CTTNBP2NL: variants seen among roughly 807,000 people sequenced by gnomAD.
CTTNBP2NL encodes CTTNBP2 N-terminal like.
A neutral mutation model predicts 32.5 loss-of-function variants in CTTNBP2NL; 16 were observed. The ratio of observed to expected loss-of-function variants is 0.49; its 90% CI spans 0.33 to 0.75. The LOEUF is 0.75. Among genes scored for constraint, CTTNBP2NL ranks in the 30% least tolerant of loss-of-function variants. The pLI is 0.02. For missense variants in CTTNBP2NL, 645 were observed against 756.0 expected (o/e 0.85, Z 1.72); for synonymous variants, 298 against 289.4 (o/e 1.03, Z -0.30).
chr1:112,457,317 T>C lies in CTTNBP2NL; in HGVS notation c.1825T>C (p.Leu609=), dbSNP rs1421334418. The change falls in exon 6 of 6, where the codon TTG becomes CTG. Residue 609 remains leucine, a synonymous_variant. Coordinates refer to ENST00000271277, the MANE Select transcript of CTTNBP2NL (RefSeq NM_018704.3). ...CAAAACTCATTCCCAGGCAGCCTCTTTGACCACTGCAGAAGACCTTGCCAG... is the reference window on the plus strand; with the variant it reads ...CAAAACTCATTCCCAGGCAGCCTCTCTGACCACTGCAGAAGACCTTGCCAG... The part of the protein sequence containing the change: ...LTKTHSQAAS[L]TTAEDLASSC... 1 of 1,614,070 alleles carries C rather than the reference T, an allele frequency of 6.2e-7. No individual in the cohort carries two copies. The highest frequency in any genetic ancestry group is 8.5e-7 in the Non-Finnish European group (1 of 1,180,034).
chr1:112,396,014 C>G (rs1648310374), upstream of CTTNBP2NL, among the ~76,000 whole-genome samples: 2 of 152,248 alleles, frequency 1.3e-5, no homozygotes, highest in Non-Finnish European at 2.9e-5. Flanking sequence ...GCGCTTCCTC[C>G]CGGAAGTGAC....
At position 112,412,241 on chromosome 1, in the gene CTTNBP2NL, C is replaced by T. The variant is rs1466489213; in HGVS notation, c.-86C>T. The T allele has an allele frequency of 6.6e-6, 1 of 152,108 alleles. No individual in the cohort carries two copies. The highest frequency in any genetic ancestry group is 2.4e-5 in the African/African-American group (1 of 41,402). 9.4% of individuals were successfully genotyped at this position (152,108 alleles called of 1,614,324 possible). A position where few individuals can be genotyped will look rare whatever the true frequency, so the allele number is the denominator to read the frequency against. ...CTAATGGCATTTTAAATATATTTGG[C>T]AATTTTCCCAATTTTTTACTGAAGA... On this transcript the variant is annotated 5_prime_UTR_variant, in exon 2 of 6. Coordinates refer to ENST00000271277, the MANE Select transcript of CTTNBP2NL (RefSeq NM_018704.3).
chr1:112,414,177 C>T (rs970663655), intron 2 of CTTNBP2NL, among the ~76,000 whole-genome samples: 3 of 152,096 alleles, frequency 2.0e-5, no homozygotes, highest in African/African-American at 7.2e-5. Flanking sequence ...ACCAGCCTTG[C>T]CAACATGGTG....
At chr1:112,393,330 G>A (rs1457355148), upstream of CTTNBP2NL, among the ~76,000 whole-genome samples, 1 of 151,964 alleles carries the variant, frequency 6.6e-6, no homozygotes, top group Non-Finnish European at 1.5e-5. Context: ...CCCCAAACCA[G>A]CAATAAACAT....
At chr1:112,413,113 A>G (rs1388787683) in intron 2 of CTTNBP2NL, among the ~76,000 whole-genome samples, 2 of 152,200 alleles carry the variant, frequency 1.3e-5, no homozygotes, top group African/African-American at 2.4e-5. Context: ...TTTTATAAGG[A>G]TGTATATTTA....
chr1:112,441,132 A>G (rs928418028), intron 3 of CTTNBP2NL, among the ~76,000 whole-genome samples: 3 of 152,214 alleles, frequency 2.0e-5, no homozygotes, highest in African/African-American at 7.2e-5. Context: ...ACACATCCAC[A>G]TAACCCACAC....
intron 3 of CTTNBP2NL, among the ~76,000 whole-genome samples, chr1:112,436,046 ATT>A (rs374188144): frequency 8.0e-6 from 1 of 124,940 alleles, no homozygotes; most frequent in Admixed American, 7.9e-5. Context: ...TTCTCCTGTG[ATT>A]TTTTTTTTTT....
chr1:112,418,472 A>G (rs1284721427), intron 3 of CTTNBP2NL, among the ~76,000 whole-genome samples: 1 of 152,110 alleles, frequency 6.6e-6, no homozygotes, highest in African/African-American at 2.4e-5. Context: ...TGTCTTGTAT[A>G]TTTCAAATCT....
intron 3 of CTTNBP2NL, among the ~76,000 whole-genome samples, chr1:112,433,821 G>A (rs1286603882): frequency 6.6e-6 from 1 of 151,456 alleles, no homozygotes; most frequent in Non-Finnish European, 1.5e-5. Flanking sequence ...CCATCATGTT[G>A]CCATGACTGC....
chr1:112,456,088 A>C lies in CTTNBP2NL; in HGVS notation c.596A>C (p.Lys199Thr), dbSNP rs376911710. 4.0e-5 allele frequency: 64 copies of C among 1,614,204 alleles called. No homozygotes were observed. The highest frequency in any genetic ancestry group is 5.3e-5 in the Non-Finnish European group (63 of 1,180,028). Residue 199 changes from lysine to threonine, a missense_variant, in exon 6 of 6, where the codon AAG becomes ACG. Physicochemically the swap from Lys to Thr is moderately conservative, Grantham distance 78. Coordinates refer to ENST00000271277, the MANE Select transcript of CTTNBP2NL (RefSeq NM_018704.3). ...ATNKAAEEGQ[K>T]AGELSLKLEK... ...AACAAGGCAGCCGAGGAAGGACAGA[A>C]GGCAGGAGAGCTGAGCCTGAAATTG...
At chr1:112,445,561 A>G (rs1650014275) in intron 3 of CTTNBP2NL, among the ~76,000 whole-genome samples, 1 of 152,184 alleles carries the variant, frequency 6.6e-6, no homozygotes, top group Admixed American at 6.5e-5. Context: ...ATTAGAATGT[A>G]CTTAAGAGAA....
At chr1:112,429,861 G>A (rs545877013) in intron 3 of CTTNBP2NL, among the ~76,000 whole-genome samples, 1 of 152,276 alleles carries the variant, frequency 6.6e-6, no homozygotes, top group South Asian at 2.1e-4. Context: ...GTTGCCACTG[G>A]TGAAGCCAGA....
intron 3 of CTTNBP2NL, among the ~76,000 whole-genome samples, chr1:112,440,306 T>C (rs2101023516): frequency 6.6e-6 from 1 of 152,358 alleles, no homozygotes; most frequent in South Asian, 2.1e-4. Flanking sequence ...TTATCGACTT[T>C]ATAACATTAG....
chr1:112,422,381 T>G (rs373232491), intron 3 of CTTNBP2NL, among the ~76,000 whole-genome samples: 5 of 152,370 alleles, frequency 3.3e-5, no homozygotes, highest in African/African-American at 1.2e-4. Flanking sequence ...TTTTGTTTTA[T>G]CCACTTATCT....
chr1:112,417,902 G>T (rs908751671), intron 3 of CTTNBP2NL, among the ~76,000 whole-genome samples: 2 of 151,842 alleles, frequency 1.3e-5, no homozygotes, highest in East Asian at 1.9e-4. Context: ...TATTTGTATC[G>T]TTTTTGCTTA....
At chr1:112,401,425 G>T (rs1285527541) in intron 1 of CTTNBP2NL, among the ~76,000 whole-genome samples, 1 of 152,194 alleles carries the variant, frequency 6.6e-6, no homozygotes, top group Non-Finnish European at 1.5e-5. Flanking sequence ...TTTCTGAATT[G>T]TCAGTTGCTC....
chr1:112,399,317 T>TTAA (rs1648425958), intron 1 of CTTNBP2NL, among the ~76,000 whole-genome samples: 1 of 39,648 alleles, frequency 2.5e-5, no homozygotes, highest in African/African-American at 2.0e-4. Flanking sequence ...AGACTCTGTC[T>TTAA]CAAAAAAAAA....
At chr1:112,432,684 C>G (rs1649603650) in intron 3 of CTTNBP2NL, among the ~76,000 whole-genome samples, 1 of 151,570 alleles carries the variant, frequency 6.6e-6, no homozygotes, top group South Asian at 2.1e-4. Flanking sequence ...GCTTAGTGCC[C>G]CAGTTTCTTC....
chr1:112,445,040 G>A (rs998362962), intron 3 of CTTNBP2NL, among the ~76,000 whole-genome samples: 2 of 152,184 alleles, frequency 1.3e-5, no homozygotes, highest in Non-Finnish European at 2.9e-5. Context: ...TCTTTTATGG[G>A]GCTGAGGGTC....
Sources: allele counts gnomAD v4.1 joint callset (sites outside exome capture counted in the v4.1 genomes callset), GRCh38; gene constraint gnomAD v4.1.1; transcripts MANE v1.5; gene names NCBI Gene and HGNC (gene_info 2026-07-23, HGNC 2026-07-21).